The following STX7 variants were observed in gnomAD, a reference collection of about 807,000 sequenced individuals.
The protein encoded by STX7 is syntaxin-7.
A neutral mutation model predicts 39.6 loss-of-function variants in STX7; 34 were observed. The ratio of observed to expected loss-of-function variants is 0.86; its 90% CI spans 0.65 to 1.14. The LOEUF (loss-of-function observed/expected upper bound fraction) is 1.14, where lower values mean the gene tolerates loss of function less well. STX7 is among the 50% of genes most tolerant of loss of function. STX7 has a pLI of 0.00. For synonymous variants in STX7, 119 were observed against 99.1 expected (o/e 1.20, Z -1.19); for missense variants, 284 against 310.4 (o/e 0.92, Z 0.64).
rs1262939157 is a variant in STX7, at chr6:132,447,169, A to G, written c.*13589T>C. ...ACATTTGACACCAGGCTTTTAAGTAAAACACCCTAAGATGGAACTTACTGT... is the reference window on the plus strand; with the variant it reads ...ACATTTGACACCAGGCTTTTAAGTAGAACACCCTAAGATGGAACTTACTGT... On this transcript the variant is annotated 3_prime_UTR_variant, in exon 10 of 10. Coordinates refer to ENST00000367941, the MANE Select transcript of STX7 (RefSeq NM_003569.3). 2 of 152,230 alleles carry G rather than the reference A, an allele frequency of 1.3e-5. No individual in the cohort carries two copies. The highest frequency in any genetic ancestry group is 2.9e-5 in the Non-Finnish European group (2 of 68,046). 9.4% of individuals were successfully genotyped at this position (152,230 alleles called of 1,614,324 possible).
chr6:132,478,680 T>G (rs957696909), intron 2 of STX7, among the ~76,000 whole-genome samples: 7 of 152,214 alleles, frequency 4.6e-5, no homozygotes, highest in Admixed American at 4.6e-4. Context: ...AAAAGCTTAT[T>G]CAGGTGGTGA....
intron 2 of STX7, among the ~76,000 whole-genome samples, chr6:132,501,233 T>C (rs922877048): frequency 6.6e-6 from 1 of 152,116 alleles, no homozygotes; most frequent in Non-Finnish European, 1.5e-5. Context: ...TTTGTATTTT[T>C]AGTAGAGACA....
At chr6:132,484,073 C>A (rs1003648803) in intron 2 of STX7, among the ~76,000 whole-genome samples, 1 of 152,150 alleles carries the variant, frequency 6.6e-6, no homozygotes, top group Non-Finnish European at 1.5e-5. Flanking sequence ...TCATCTAATG[C>A]ATACAGGTAG....
At chr6:132,468,306 A>AG in intron 8 of STX7, 97 bp downstream of exon 8, 1 of 919,700 alleles carries the variant, frequency 1.1e-6, no homozygotes, top group Non-Finnish European at 1.7e-6. Context: ...AAACCAAAAA[A>AG]GGGACAGAAA....
chr6:132,511,127 A>G (rs1190950973), intron 1 of STX7, among the ~76,000 whole-genome samples: 2 of 152,212 alleles, frequency 1.3e-5, no homozygotes, highest in Non-Finnish European at 2.9e-5. Flanking sequence ...CTGCCTGGCT[A>G]CATCACAAGT....
At chr6:132,510,105 G>A (rs567956852) in intron 1 of STX7, among the ~76,000 whole-genome samples, 3 of 152,188 alleles carry the variant, frequency 2.0e-5, no homozygotes, top group Non-Finnish European at 4.4e-5. Flanking sequence ...ATAGCCAAAG[G>A]TTGGTTAACT....
At chr6:132,477,224 G>A (rs1048691160) in intron 2 of STX7, among the ~76,000 whole-genome samples, 3 of 152,136 alleles carry the variant, frequency 2.0e-5, no homozygotes, top group South Asian at 2.1e-4. Flanking sequence ...TTTGTTTGCC[G>A]TGTTTAACTT....
At chr6:132,505,536 A>C (rs1183293483) in intron 1 of STX7, among the ~76,000 whole-genome samples, 1 of 152,140 alleles carries the variant, frequency 6.6e-6, no homozygotes, top group Non-Finnish European at 1.5e-5. Context: ...GATGGATCCA[A>C]AAGCAATTTC....
At chr6:132,511,953 T>C (rs1162839539) in intron 1 of STX7, among the ~76,000 whole-genome samples, 1 of 152,158 alleles carries the variant, frequency 6.6e-6, no homozygotes, top group African/African-American at 2.4e-5. Context: ...GTTAATATGG[T>C]ATCATATTAA....
chr6:132,490,186 C>T lies in STX7; in HGVS notation c.85+13260G>A, dbSNP rs12193914. Reference sequence around the variant, plus strand: ...CCTTGCGCCTTGCAATTCCCCAACCCCGCTGACACATCTTTTGCCCATCAT... The same window carrying T: ...CCTTGCGCCTTGCAATTCCCCAACCTCGCTGACACATCTTTTGCCCATCAT... On this transcript the variant is annotated intron_variant, in intron 2 of 9. Coordinates refer to ENST00000367941, the MANE Select transcript of STX7 (RefSeq NM_003569.3). 8.3e-3 allele frequency among the ~76,000 whole-genome samples: 1,259 copies of T among 152,310 alleles called. 10 individuals are homozygous for T. Among genetic ancestry groups the T allele is most frequent in the Middle Eastern group, 0.017 (5 of 294 alleles).
chr6:132,472,440 C>A lies in STX7; in HGVS notation c.156-65G>T, dbSNP rs1206457118. 49 of 1,258,040 alleles carry A rather than the reference C, an allele frequency of 3.9e-5. No homozygotes were observed. In the East Asian group the frequency reaches 1.2e-3, roughly 30 times the overall value. The allele number at this position is 1,258,040 out of a possible 1,614,324, so 77.9% of individuals were successfully genotyped here. Reference sequence around the variant, plus strand: ...ATACTTCTTTAAGCTTCAACTCTGCCTTTTGAATCAACACTGATAAACAGT... The same window carrying A: ...ATACTTCTTTAAGCTTCAACTCTGCATTTTGAATCAACACTGATAAACAGT... On this transcript the variant is annotated intron_variant, in intron 3 of 9. Coordinates refer to ENST00000367941, the MANE Select transcript of STX7 (RefSeq NM_003569.3).
At position 132,447,437 on chromosome 6, in the gene STX7, A is replaced by C. The variant is rs1039794842; in HGVS notation, c.*13321T>G. 25 of 152,170 alleles carry C rather than the reference A, an allele frequency of 1.6e-4. No individual in the cohort carries two copies. The highest frequency in any genetic ancestry group is 5.3e-4 in the African/African-American group (22 of 41,456). The allele number at this position is 152,170 out of a possible 1,614,324, so 9.4% of individuals were successfully genotyped here. On this transcript the variant is annotated 3_prime_UTR_variant, in exon 10 of 10. Transcript: ENST00000367941. The stretch of plus-strand genomic sequence containing the variant: ...TGCTTAAGAAATATGCACATGCTCT[A>C]AATTGGGGGAACATGATCCTTTATG...
intron 2 of STX7, among the ~76,000 whole-genome samples, chr6:132,490,150 C>T (rs900287096): frequency 6.6e-5 from 10 of 152,192 alleles, no homozygotes; most frequent in African/African-American, 2.4e-4. Flanking sequence ...AAGGACTGGG[C>T]AGTGGTGAGG....
At chr6:132,507,648 CATTAT>C (rs1775740082) in intron 1 of STX7, among the ~76,000 whole-genome samples, 8 of 128,532 alleles carry the variant, frequency 6.2e-5, no homozygotes, top group African/African-American at 2.6e-4. Context: ...TTCATTCCTT[CATTAT>C]TGCCAAATAA....
At position 132,457,468 on chromosome 6, in the gene STX7, T is replaced by C. The variant is rs770259529; in HGVS notation, c.*3290A>G. 1.2e-4 allele frequency: 18 copies of C among 152,210 alleles called. No individual in the cohort carries two copies. Among genetic ancestry groups the C allele is most frequent in the African/African-American group, 4.3e-4 (18 of 41,456 alleles). The allele number at this position is 152,210 out of a possible 1,614,324, so 9.4% of individuals were successfully genotyped here. On this transcript the variant is annotated 3_prime_UTR_variant, in exon 10 of 10. Transcript: ENST00000367941. ...AAAAAAATGGTTTTATCTTAATTGA[T>C]TTATAAATTATGTTAGGGTAGTTGT...
chr6:132,473,443 A>G (rs1250503093), intron 3 of STX7, among the ~76,000 whole-genome samples: 1 of 151,578 alleles, frequency 6.6e-6, no homozygotes, highest in Non-Finnish European at 1.5e-5. Context: ...TATTTATAAT[A>G]CCCAATACAA....
chr6:132,470,042 G>C lies in STX7; in HGVS notation c.446C>G (p.Thr149Ser), dbSNP rs201529204. Reference protein sequence around the residue: ...ERNLVSWESQTQPQVQVQDEE... With the variant: ...ERNLVSWESQSQPQVQVQDEE... Reference sequence around the variant, plus strand: ...ATCCTGCACCTGCACTTGAGGTTGAGTTTGGCTAACAGAAAAAAATGAATG... The same window carrying C: ...ATCCTGCACCTGCACTTGAGGTTGACTTTGGCTAACAGAAAAAAATGAATG... The change falls in exon 7 of 10, where the codon ACT becomes AGT. Residue 149 changes from threonine (T) to serine (S), a missense_variant. Thr to Ser is a moderately conservative substitution (Grantham distance 58). Coordinates refer to ENST00000367941, the MANE Select transcript of STX7 (RefSeq NM_003569.3). 1.9e-6 allele frequency: 3 copies of C among 1,576,800 alleles called. No individual in the cohort carries two copies. The highest frequency in any genetic ancestry group is 1.7e-4 in the Middle Eastern group (1 of 5,972).
rs1181441570 is a variant in STX7, at chr6:132,461,750, G to A, written c.694-900C>T. 5 of 1,336,270 alleles carry A rather than the reference G, an allele frequency of 3.7e-6. No individual in the cohort carries two copies. The South Asian group carries it at 6.3e-5, about 17-fold the overall frequency. 82.8% of individuals were successfully genotyped at this position (1,336,270 alleles called of 1,614,324 possible). On this transcript the variant is annotated intron_variant, in intron 9 of 9. Transcript: ENST00000367941. ...ACAGAGCAAACAAAATCATAATGCTGTCATTGAAAACCGAATGGTTAAGAA... is the reference window on the plus strand; with the variant it reads ...ACAGAGCAAACAAAATCATAATGCTATCATTGAAAACCGAATGGTTAAGAA...
rs1296871653 is a variant in STX7 at position 132,451,105 on chromosome 6, T to C, written c.*9653A>G. ...GGAACCATGAAATTTTCTTTCCTTT[T>C]TTTTTTTTTTGACAAGGAGTCTCGT... On this transcript the variant is annotated 3_prime_UTR_variant, in exon 10 of 10. Coordinates refer to ENST00000367941, the MANE Select transcript of STX7 (RefSeq NM_003569.3). 6.6e-6 allele frequency: 1 copy of C among 151,396 alleles called. No individual in the cohort carries two copies. The highest frequency in any genetic ancestry group is 1.5e-5 in the Non-Finnish European group (1 of 67,750). 9.4% of individuals were successfully genotyped at this position (151,396 alleles called of 1,614,324 possible). A position where few individuals can be genotyped will look rare whatever the true frequency, so the allele number is the denominator to read the frequency against.
Sources: allele counts gnomAD v4.1 joint callset (sites outside exome capture counted in the v4.1 genomes callset), GRCh38; gene constraint gnomAD v4.1.1; transcripts MANE v1.5; gene names NCBI Gene and HGNC (gene_info 2026-07-23, HGNC 2026-07-21).